CABLES1: variants seen among roughly 807,000 people sequenced by gnomAD.
CABLES1 encodes Cdk5 and Abl enzyme substrate 1.
CABLES1 carries 36 observed loss-of-function variants against 57.8 expected under a neutral mutation model. The ratio of observed to expected loss-of-function variants is 0.62; its 90% confidence interval spans 0.48 to 0.82. The LOEUF is 0.82. Among genes scored for constraint, CABLES1 ranks in the 40% least tolerant of loss-of-function variants. CABLES1 has a pLI of 0.00. For synonymous variants in CABLES1, 374 were observed against 363.0 expected, an observed-to-expected ratio of 1.03 and a Z score of -0.35; for missense variants, 767 against 836.6, an observed-to-expected ratio of 0.92 and a Z score of 1.03.
At chr18:23,151,329 C>T (rs1210267636) in intron 1 of CABLES1, among the ~76,000 whole-genome samples, 1 of 152,100 alleles carries the variant, frequency 6.6e-6, no homozygotes, top group Non-Finnish European at 1.5e-5. Context: ...CCCTGGCCTA[C>T]GTTTTAAGGT....
At chr18:23,206,336 C>A (rs947194523) in intron 3 of CABLES1, among the ~76,000 whole-genome samples, 2 of 152,246 alleles carry the variant, frequency 1.3e-5, no homozygotes, top group Non-Finnish European at 2.9e-5. Flanking sequence ...TCATGCTTCT[C>A]CCCCATGCCA....
chr18:23,234,151 G>A (rs2047585585), intron 4 of CABLES1, among the ~76,000 whole-genome samples: 1 of 152,222 alleles, frequency 6.6e-6, no homozygotes, highest in Non-Finnish European at 1.5e-5. Flanking sequence ...CTGGGAGGCA[G>A]AAGTTGCAGT....
At chr18:23,175,417 T>G (rs2047116145) in intron 1 of CABLES1, among the ~76,000 whole-genome samples, 1 of 152,234 alleles carries the variant, frequency 6.6e-6, no homozygotes, top group Non-Finnish European at 1.5e-5. Flanking sequence ...TTCCTGGGCT[T>G]CTGCTGGCTT....
chr18:23,208,872 A>G (rs143330679), intron 3 of CABLES1, among the ~76,000 whole-genome samples: 1,556 of 152,272 alleles, frequency 0.01, 21 homozygotes, highest in African/African-American at 0.035. Context: ...CTTGGCTTGT[A>G]GCTGCATCAC....
chr18:23,174,415 ATCTT>A (rs1181550524), intron 1 of CABLES1, among the ~76,000 whole-genome samples: 1 of 151,758 alleles, frequency 6.6e-6, no homozygotes, highest in East Asian at 1.9e-4. Context: ...GTATCTTGGC[ATCTT>A]TCTTTGATTA....
chr18:23,168,891 C>A (rs970355486), intron 1 of CABLES1, among the ~76,000 whole-genome samples: 5 of 152,120 alleles, frequency 3.3e-5, no homozygotes, highest in African/African-American at 1.2e-4. Context: ...TGAGCCAGAG[C>A]AGCTCCTTCT....
intron 1 of CABLES1, among the ~76,000 whole-genome samples, chr18:23,171,043 G>A (rs2144989792): frequency 6.6e-6 from 1 of 152,354 alleles, no homozygotes; most frequent in East Asian, 1.9e-4. Flanking sequence ...TGATCCGCCT[G>A]CCTCGGCCTT....
intron 1 of CABLES1, among the ~76,000 whole-genome samples, chr18:23,171,224 C>T (rs1442357217): frequency 1.3e-5 from 2 of 152,330 alleles, no homozygotes; most frequent in African/African-American, 2.4e-5. Flanking sequence ...TTCTTGTTCC[C>T]GTAACACCAG....
chr18:23,257,283 G>A lies in CABLES1; in HGVS notation c.1818G>A (p.Pro606=), dbSNP rs763399073. The A allele has an allele frequency of 2.2e-5, 35 of 1,613,536 alleles. No individual in the cohort carries two copies. Among genetic ancestry groups the A allele is most frequent in the Middle Eastern group, 3.3e-4 (2 of 6,082 alleles). Residue 606 remains proline (P), a synonymous_variant, in exon 10 of 10, where the codon CCG becomes CCA. Coordinates refer to ENST00000256925, the MANE Select transcript of CABLES1 (RefSeq NM_001100619.3). ...NRRELIAFEF[P]VLVALEFALH... Reference sequence around the variant, plus strand: ...GAGAACTGATTGCCTTTGAATTCCCGGTGTTAGTGGCCTTGGAATTCGCCC... The same window carrying A: ...GAGAACTGATTGCCTTTGAATTCCCAGTGTTAGTGGCCTTGGAATTCGCCC...
rs1215158618 is a variant in CABLES1 at position 23,136,342 on chromosome 18, C to T, written c.580C>T (p.Leu194=). Residue 194 remains leucine (L), a synonymous_variant, in exon 1 of 10, where the codon CTG becomes TTG. Coordinates refer to ENST00000256925, the MANE Select transcript of CABLES1 (RefSeq NM_001100619.3). ...RPAPLAACAQ[L]QLLDGSGAAG... is the part of the protein sequence containing the mutation. ...GGCGCCTCTCGCCGCCTGTGCCCAA[C>T]TGCAGCTGCTCGACGGGTCCGGGGC... is the stretch of plus-strand genomic sequence containing the variant. 2.1e-6 allele frequency: 3 copies of T among 1,462,278 alleles called. No homozygotes were observed. Among genetic ancestry groups the T allele is most frequent in the African/African-American group, 3.0e-5 (2 of 67,690 alleles). 90.6% of individuals were successfully genotyped at this position (1,462,278 alleles called of 1,614,324 possible). A position where few individuals can be genotyped will look rare whatever the true frequency, so the allele number is the denominator to read the frequency against.
At position 23,257,409 on chromosome 18, in the gene CABLES1, TG is replaced by T; in HGVS notation, c.*44del. ...AGCCAAGGGCCATTTCTTCTCAGCT[TG>T]GTGGAGCAGCACTTACTTACTACTG... On this transcript the variant is annotated 3_prime_UTR_variant, in exon 10 of 10. Transcript: ENST00000256925. 1 of 1,545,808 alleles carries T rather than the reference TG, an allele frequency of 6.5e-7. No individual in the cohort carries two copies. Among genetic ancestry groups the T allele is most frequent in the Non-Finnish European group, 8.7e-7 (1 of 1,151,950 alleles).
intron 3 of CABLES1, among the ~76,000 whole-genome samples, chr18:23,211,520 A>G (rs1370295166): frequency 6.6e-6 from 1 of 152,226 alleles, no homozygotes; most frequent in African/African-American, 2.4e-5. Context: ...CCCTCCCTGC[A>G]CTGGGCATGG....
intron 1 of CABLES1, among the ~76,000 whole-genome samples, chr18:23,144,921 C>G (rs1039977266): frequency 6.6e-6 from 1 of 151,784 alleles, no homozygotes; most frequent in Non-Finnish European, 1.5e-5. Flanking sequence ...TACCACACAT[C>G]CTTTTTTTTT....
At chr18:23,146,041 A>AC (rs768225653) in intron 1 of CABLES1, among the ~76,000 whole-genome samples, 1 of 152,268 alleles carries the variant, frequency 6.6e-6, no homozygotes, top group Non-Finnish European at 1.5e-5. Flanking sequence ...AAACCATTCA[A>AC]CCAGATACTA....
At chr18:23,176,029 T>G (rs968592572) in intron 1 of CABLES1, among the ~76,000 whole-genome samples, 4 of 152,244 alleles carry the variant, frequency 2.6e-5, no homozygotes, top group African/African-American at 9.6e-5. Flanking sequence ...TTGTAGGAAT[T>G]CAGAAAATGT....
At chr18:23,218,103 A>T (rs2047455798) in intron 4 of CABLES1, among the ~76,000 whole-genome samples, 1 of 152,194 alleles carries the variant, frequency 6.6e-6, no homozygotes, top group Non-Finnish European at 1.5e-5. Flanking sequence ...CTCCAACTTC[A>T]TCACAAGAAA....
At chr18:23,205,181 CTTTTTTT>C (rs34690271) in intron 3 of CABLES1, among the ~76,000 whole-genome samples, 273 of 81,196 alleles carry the variant, frequency 3.4e-3, no homozygotes, top group Non-Finnish European at 5.0e-3. Flanking sequence ...TCATTCCTGA[CTTTTTTT>C]TTTTTTTTTT....
At chr18:23,199,725 A>G (rs1190294523) in intron 3 of CABLES1, among the ~76,000 whole-genome samples, 4 of 152,220 alleles carry the variant, frequency 2.6e-5, no homozygotes, top group Admixed American at 6.5e-5. Flanking sequence ...CAGAGTTTCT[A>G]TTAGGGGTGA....
intron 1 of CABLES1, among the ~76,000 whole-genome samples, chr18:23,185,185 C>T (rs1017764588): frequency 2.0e-5 from 3 of 152,140 alleles, no homozygotes; most frequent in Non-Finnish European, 2.9e-5. Flanking sequence ...GAGGTGGCTA[C>T]GGCTTTGTGA....
Sources: allele counts gnomAD v4.1 joint callset (sites outside exome capture counted in the v4.1 genomes callset), GRCh38; gene constraint gnomAD v4.1.1; transcripts MANE v1.5; gene names NCBI Gene and HGNC (gene_info 2026-07-23, HGNC 2026-07-21).